The following MELTF variants were observed in gnomAD, a reference collection of about 807,000 sequenced individuals.
MELTF encodes the protein melanotransferrin, also known as antigen p97 (melanoma associated) identified by monoclonal antibodies 133.2 and 96.5.
MELTF carries 67 observed loss-of-function variants against 83.7 expected under a neutral mutation model. That is an observed-to-expected ratio of 0.80 (90% CI 0.66 to 0.98). MELTF has a LOEUF of 0.98. MELTF is among the 50% of genes least tolerant of loss of function. MELTF has a pLI of 0.00. For missense variants in MELTF, 1,002 were observed against 1,035.6 expected, an observed-to-expected ratio of 0.97 and a Z score of 0.44; for synonymous variants, 462 against 447.6, an observed-to-expected ratio of 1.03 and a Z score of -0.41.
intron 6 of MELTF, 105 bp downstream of exon 6, chr3:197,021,298 AC>A: frequency 9.9e-7 from 1 of 1,014,986 alleles, no homozygotes; most frequent in South Asian, 1.4e-5. Context: ...TCAGAGCAGC[AC>A]TGCACTAGGG....
At position 197,004,030 on chromosome 3, in the gene MELTF, C is replaced by T. The variant is rs1189059624; in HGVS notation, c.2008G>A (p.Asp670Asn). Residue 670 changes from aspartate to asparagine, a missense_variant, in exon 15 of 16, where the codon GAC becomes AAC. Transcript: ENST00000296350. Reference protein sequence around the residue: ...MFDSSNYHGQDLLFKDATVRA... With the variant: ...MFDSSNYHGQNLLFKDATVRA... ...ACGGTGGCATCCTTGAAAAGCAGGT[C>T]TTGGCCATGATAGTTGGAGGAGTCG... The T allele has an allele frequency of 6.2e-7, 1 of 1,614,190 alleles. No individual in the cohort carries two copies. The highest frequency in any genetic ancestry group is 1.7e-5 in the Admixed American group (1 of 60,032).
chr3:197,009,381 G>A (rs1221888774), intron 11 of MELTF, among the ~76,000 whole-genome samples: 1 of 152,180 alleles, frequency 6.6e-6, no homozygotes, highest in East Asian at 1.9e-4. Context: ...GAGGTGTGTG[G>A]CCTGTCAGCC....
chr3:197,023,003 C>G lies in MELTF; in HGVS notation c.598G>C (p.Asp200His). The change falls in exon 5 of 16, where the codon GAC becomes CAC. Residue 200 changes from aspartate (D) to histidine (H), a missense_variant. Physicochemically the swap from Asp to His is moderately conservative, Grantham distance 81. Transcript: ENST00000296350. ...RGDSSGEGVCDKSPLERYYDY... is the reference protein window; with the variant it reads ...RGDSSGEGVCHKSPLERYYDY... ...TAGTATCTCTCCAGGGGGCTCTTGT[C>G]ACACACCCCTTCCCCAGAGCTGTCA... is the stretch of plus-strand genomic sequence containing the variant. 6.2e-7 allele frequency: 1 copy of G among 1,613,644 alleles called. No homozygotes were observed.
chr3:197,017,702 C>T (rs144275909), intron 6 of MELTF, among the ~76,000 whole-genome samples: 2,330 of 152,074 alleles, frequency 0.015, 54 homozygotes, highest in South Asian at 0.062. Flanking sequence ...ACGGTGAAAC[C>T]CCATCTCTAC....
At chr3:197,027,058 C>A in intron 2 of MELTF, 1 of 377,734 alleles carries the variant, frequency 2.6e-6, no homozygotes, top group Non-Finnish European at 5.0e-6. Flanking sequence ...AAGTGAGTCT[C>A]CCTCGCTTTC....
At chr3:197,028,619 T>A (rs1440029955) in intron 1 of MELTF, 4 of 152,358 alleles carry the variant, frequency 2.6e-5, no homozygotes, top group Non-Finnish European at 4.4e-5. Flanking sequence ...GACACCCACA[T>A]CCTCAGTGGA....
chr3:197,017,696 T>C (rs927473992), intron 6 of MELTF, among the ~76,000 whole-genome samples: 1 of 151,984 alleles, frequency 6.6e-6, no homozygotes, highest in Non-Finnish European at 1.5e-5. Flanking sequence ...GCTAACACGG[T>C]GAAACCCCAT....
intron 14 of MELTF, 110 bp from the exon 15 acceptor site, chr3:197,004,209 T>A: frequency 1.0e-6 from 1 of 990,660 alleles, no homozygotes; most frequent in Non-Finnish European, 1.6e-6. Context: ...AAAGAGCAAG[T>A]CATTTCAGGG....
At chr3:197,026,456 G>C in intron 3 of MELTF, 1 of 581,152 alleles carries the variant, frequency 1.7e-6, no homozygotes, top group Non-Finnish European at 3.1e-6. Context: ...GCGGGCAAGA[G>C]CAGACTTGGG....
rs533706564 is a variant in MELTF, at chr3:197,019,869, C to T, written c.712+1535G>A. The T allele has an allele frequency of 2.0e-6, 3 of 1,494,490 alleles. No individual in the cohort carries two copies. The South Asian group carries it at 4.1e-5, about 20-fold the overall frequency. The allele number at this position is 1,494,490 out of a possible 1,614,324, so 92.6% of individuals were successfully genotyped here. On this transcript the variant is annotated intron_variant, in intron 6 of 15. Coordinates refer to ENST00000296350, the MANE Select transcript of MELTF (RefSeq NM_005929.6). ...TGATTTAAAAAAAAAACCCAATCAT[C>T]AGACGTCCTGGGAGACGCAAAACTG... is the stretch of plus-strand genomic sequence containing the variant.
rs1553845826 is a variant in MELTF at position 197,003,444 on chromosome 3, CGGGGCCGCT to C, written c.2138-2_2144del. On this transcript the variant is annotated splice_acceptor_variant and coding_sequence_variant, in exon 16 of 16. Coordinates refer to ENST00000296350, the MANE Select transcript of MELTF (RefSeq NM_005929.6). LOFTEE classifies it high-confidence loss of function. This position sits in a 1 kb window ranked among gnomAD's most constrained non-coding sequence, Gnocchi z 6.2. ...GCGGGAGCAGGGGCGCCCCGGGCGC[CGGGGCCGCT>C]GGGGACGAACGCGGCGGGTCAGGCC... is the stretch of plus-strand genomic sequence containing the variant. The C allele has an allele frequency of 7.6e-6, 8 of 1,052,402 alleles. No individual in the cohort carries two copies. The highest frequency in any genetic ancestry group is 6.8e-6 in the Non-Finnish European group (6 of 882,310). 65.2% of individuals were successfully genotyped at this position (1,052,402 alleles called of 1,614,324 possible). A position where few individuals can be genotyped will look rare whatever the true frequency, so the allele number is the denominator to read the frequency against.
chr3:197,027,852 G>A lies in MELTF; in HGVS notation c.108C>T (p.Cys36=), dbSNP rs1254983859. ...CCCGGAAGGCCTCGCTCATGTTGCCGCACTTGTGCTGCTCTGGGTCCGAGG... is the reference window on the plus strand; with the variant it reads ...CCCGGAAGGCCTCGCTCATGTTGCCACACTTGTGCTGCTCTGGGTCCGAGG... The part of the protein sequence containing the change: ...CATSDPEQHK[C]GNMSEAFREA... The change falls in exon 2 of 16, where the codon TGC becomes TGT. Residue 36 remains cysteine, a synonymous_variant. Transcript: ENST00000296350. The A allele has an allele frequency of 1.9e-6, 3 of 1,610,744 alleles. No individual in the cohort carries two copies. Among genetic ancestry groups the A allele is most frequent in the Non-Finnish European group, 2.5e-6 (3 of 1,179,098 alleles).
At chr3:197,013,645 A>G (rs776451199) in intron 9 of MELTF, among the ~76,000 whole-genome samples, 5 of 152,280 alleles carry the variant, frequency 3.3e-5, no homozygotes, top group Non-Finnish European at 7.3e-5. Flanking sequence ...ATTAATATCC[A>G]GAATACACAT....
chr3:197,008,827 C>T lies in MELTF; in HGVS notation c.1664G>A (p.Gly555Asp), dbSNP rs1394213307. 1.2e-6 allele frequency: 2 copies of T among 1,614,172 alleles called. No homozygotes were observed. Among genetic ancestry groups the T allele is most frequent in the African/African-American group, 1.3e-5 (1 of 75,048 alleles). Residue 555 changes from glycine (G) to aspartate (D), a missense_variant, in exon 12 of 16, where the codon GGC becomes GAC. Gly to Asp is a moderately conservative substitution (Grantham distance 94). Transcript: ENST00000296350. This position sits in a 1 kb window ranked among gnomAD's most constrained non-coding sequence, Gnocchi z 5.4. ...CGGGTACCTGAAGGCGCCGCGGTAG[C>T]CGTAATACCGCTCCTGGCTGTTGCC... is the stretch of plus-strand genomic sequence containing the variant. ...CVGNSQERYYGYRGAFRCLVE... is the reference protein window; with the variant it reads ...CVGNSQERYYDYRGAFRCLVE...
chr3:197,009,977 C>G (rs932495192), intron 10 of MELTF, among the ~76,000 whole-genome samples, 165 bp from the exon 11 acceptor site: 6 of 152,240 alleles, frequency 3.9e-5, no homozygotes, highest in Admixed American at 2.6e-4. Context: ...GCAGGCCCAG[C>G]GGGGGCCCCT....
intron 2 of MELTF, 41 bp from the exon 3 acceptor site, chr3:197,026,800 C>A (rs747390143): frequency 6.3e-7 from 1 of 1,586,402 alleles, no homozygotes; most frequent in East Asian, 2.2e-5. Context: ...GCCCAGCTGG[C>A]CTGCTCAGCA....
chr3:197,003,773 C>G lies in MELTF; in HGVS notation c.2137+128G>C. On this transcript the variant is annotated intron_variant, in intron 15 of 15. Coordinates refer to ENST00000296350, the MANE Select transcript of MELTF (RefSeq NM_005929.6). The surrounding 1 kb of genome is among the most constrained non-coding windows in gnomAD (Gnocchi z 6.2). ...TGGCCAAAATCCTCCCGGGACACCC[C>G]ACCTGGACTGCTGCGAACGGGCCTC... The G allele has an allele frequency of 9.8e-7, 1 of 1,020,164 alleles. No homozygotes were observed. The highest frequency in any genetic ancestry group is 1.4e-6 in the Non-Finnish European group (1 of 706,984). The allele number at this position is 1,020,164 out of a possible 1,614,324, so 63.2% of individuals were successfully genotyped here.
intron 7 of MELTF, among the ~76,000 whole-genome samples, chr3:197,016,761 G>A (rs941741707): frequency 5.3e-5 from 8 of 152,342 alleles, no homozygotes; most frequent in African/African-American, 1.2e-4. Flanking sequence ...AACCTTATTC[G>A]CCACATGTAA....
chr3:197,009,633 A>C lies in MELTF; in HGVS notation c.1510T>G (p.Cys504Gly). Residue 504 changes from cysteine (C) to glycine (G), a missense_variant, in exon 11 of 16, where the codon TGT becomes GGT. By Grantham distance (159) the Cys-to-Gly change is radical. Coordinates refer to ENST00000296350, the MANE Select transcript of MELTF (RefSeq NM_005929.6). The stretch of plus-strand genomic sequence containing the variant: ...GGGGGGGTACCTGTGAGGACGTCAC[A>C]GTCCTTGGGCCGGATGAAGCCTCTC... ...IQRGFIRPKD[C>G]DVLTAVSEFF... The C allele has an allele frequency of 6.2e-7, 1 of 1,609,502 alleles. No individual in the cohort carries two copies. Among genetic ancestry groups the C allele is most frequent in the Non-Finnish European group, 8.5e-7 (1 of 1,176,294 alleles).
Sources: gnomAD v4.1 joint callset for allele counts (sites outside exome capture counted in the v4.1 genomes callset) on GRCh38, gnomAD v4.1.1 for gene constraint, Gnocchi (gnomAD v3.1) non-coding constraint, MANE v1.5 for transcripts, NCBI Gene and HGNC (gene_info 2026-07-23, HGNC 2026-07-21) for gene names.